The following KAZN variants were observed in gnomAD, a reference collection of about 807,000 sequenced individuals.
KAZN encodes the protein kazrin.
KAZN carries 40 observed loss-of-function variants against 87.4 expected under a neutral mutation model. The observed-to-expected ratio is 0.46, with a 90% CI of 0.36 to 0.60. KAZN has a LOEUF of 0.60. Ranked by LOEUF, KAZN falls within the 20% of genes least tolerant of loss-of-function variation. KAZN has a pLI of 0.00. For synonymous variants in KAZN, 466 were observed against 458.3 expected, an observed-to-expected ratio of 1.02 and a Z score of -0.22; for missense variants, 898 against 1,073.9, an observed-to-expected ratio of 0.84 and a Z score of 2.29.
intron 1 of KAZN, among the ~76,000 whole-genome samples, chr1:14,761,072 A>G (rs1572414086): frequency 6.6e-6 from 1 of 152,112 alleles, no homozygotes; most frequent in South Asian, 2.1e-4. Flanking sequence ...AATGGGGAGG[A>G]CCCTGCCTCC....
At chr1:14,575,550 A>G (rs552138787) in intron 2 of KAZN, among the ~76,000 whole-genome samples, 19 of 152,318 alleles carry the variant, frequency 1.2e-4, no homozygotes, top group African/African-American at 4.6e-4. Context: ...ACCATTCAAG[A>G]TGAGATTTGG....
chr1:15,103,291 C>T lies in KAZN; in HGVS notation c.1780-68C>T, dbSNP rs1245130459. ...CGGGGGGAAAAAGAGATGCGGGGCA[C>T]CCCCACTCCACACGTGGCCTCTGCG... is the stretch of plus-strand genomic sequence containing the variant. On this transcript the variant is annotated intron_variant, in intron 11 of 14. Coordinates refer to ENST00000376030, the MANE Select transcript of KAZN (RefSeq NM_201628.3). 3.4e-6 allele frequency: 4 copies of T among 1,162,008 alleles called. No homozygotes were observed. The Admixed American group carries it at 8.1e-5, about 23-fold the overall frequency. The allele number at this position is 1,162,008 out of a possible 1,614,324, so 72.0% of individuals were successfully genotyped here.
At chr1:14,807,230 G>A (rs1229267357) in intron 1 of KAZN, among the ~76,000 whole-genome samples, 2 of 152,234 alleles carry the variant, frequency 1.3e-5, no homozygotes, top group African/African-American at 4.8e-5. Context: ...GAGGACATTA[G>A]GTTCTGGGGC....
rs536763003 is a variant in KAZN, at chr1:14,420,866, G to A, written c.250-178117G>A. On this transcript the variant is annotated intron_variant, in intron 2 of 16. Coordinates refer to the KAZN transcript ENST00000636203. ...CCTGGGAGCGCTGCGCACAGCCCCG[G>A]TTGCCGCCCGCACCTCTCCCTCCAC... 6.9e-4 allele frequency among the ~76,000 whole-genome samples: 92 copies of A among 133,278 alleles called. 1 individual carries two copies. Among genetic ancestry groups the A allele is most frequent in the Non-Finnish European group, 4.0e-4 (23 of 56,810 alleles). 87.4% of individuals were successfully genotyped at this position (133,278 alleles called of 152,430 possible). A position where few individuals can be genotyped will look rare whatever the true frequency, so the allele number is the denominator to read the frequency against.
At chr1:14,024,658 G>T (rs1640990380) in intron 1 of KAZN, among the ~76,000 whole-genome samples, 1 of 152,204 alleles carries the variant, frequency 6.6e-6, no homozygotes, top group Non-Finnish European at 1.5e-5. Flanking sequence ...AGCAGGTGTG[G>T]CACTCAAAGC....
intron 1 of KAZN, among the ~76,000 whole-genome samples, chr1:14,021,953 C>CTTTT (rs141959214): frequency 0.071 from 8,138 of 114,196 alleles, 940 homozygotes; most frequent in South Asian, 0.093. Flanking sequence ...AATGAACATG[C>CTTTT]TTTTTTTTTT....
chr1:14,384,767 C>G (rs1176770008), intron 2 of KAZN, among the ~76,000 whole-genome samples: 1 of 151,584 alleles, frequency 6.6e-6, no homozygotes, highest in Non-Finnish European at 1.5e-5. Context: ...GGATATTGGT[C>G]TAAAATTCTC....
At chr1:14,721,884 T>C (rs1643127928) in intron 1 of KAZN, among the ~76,000 whole-genome samples, 1 of 152,194 alleles carries the variant, frequency 6.6e-6, no homozygotes, top group Non-Finnish European at 1.5e-5. Context: ...CCGGGTGCGG[T>C]GGCTCACACC....
intron 1 of KAZN, among the ~76,000 whole-genome samples, chr1:14,075,863 C>T (rs188464124): frequency 2.0e-5 from 3 of 152,090 alleles, no homozygotes; most frequent in Admixed American, 2.0e-4. Flanking sequence ...ATGGTGTTCC[C>T]GTCCCCCCAA....
At chr1:14,107,062 C>T (rs1644392977) in intron 1 of KAZN, among the ~76,000 whole-genome samples, 1 of 138,114 alleles carries the variant, frequency 7.2e-6, no homozygotes, top group South Asian at 2.5e-4. Context: ...TTCCTTCCTT[C>T]CTTCCTTCAT....
chr1:14,655,850 A>C (rs1638758288), intron 1 of KAZN, among the ~76,000 whole-genome samples: 1 of 152,142 alleles, frequency 6.6e-6, no homozygotes, highest in East Asian at 1.9e-4. Flanking sequence ...GCGGCCAAAG[A>C]AGGGACCCAG....
chr1:14,552,574 G>A (rs1673606355), intron 2 of KAZN, among the ~76,000 whole-genome samples: 1 of 152,190 alleles, frequency 6.6e-6, no homozygotes. Context: ...GGGAGCTTGT[G>A]CTATGTTCAA....
At chr1:14,973,628 A>G (rs1422828148) in intron 2 of KAZN, among the ~76,000 whole-genome samples, 5 of 152,162 alleles carry the variant, frequency 3.3e-5, no homozygotes, top group African/African-American at 1.2e-4. Flanking sequence ...CTTTCCAAAT[A>G]AGGAAAGGAA....
chr1:14,939,141 T>G (rs1660778178), intron 1 of KAZN, among the ~76,000 whole-genome samples: 1 of 151,728 alleles, frequency 6.6e-6, no homozygotes, highest in Non-Finnish European at 1.5e-5. Context: ...CCAGGCTAAT[T>G]TTTATACTTT....
chr1:14,950,484 C>G (rs1270980048), intron 1 of KAZN, among the ~76,000 whole-genome samples: 1 of 152,176 alleles, frequency 6.6e-6, no homozygotes, highest in Admixed American at 6.5e-5. Context: ...CTAGGCTTAC[C>G]TCTCCCCGAA....
chr1:14,635,403 T>C (rs559418338), intron 1 of KAZN, among the ~76,000 whole-genome samples: 10 of 152,286 alleles, frequency 6.6e-5, no homozygotes, highest in African/African-American at 2.2e-4. Flanking sequence ...CTCCAGACAT[T>C]GCTGTGTGAC....
Position 14,251,643 on chromosome 1 carries a change from C to CTTTTTTTTTTTTTTTTT in KAZN, c.249+71060_249+71076dup, listed in dbSNP as rs549092023. 6.6e-5 allele frequency among the ~76,000 whole-genome samples: 6 copies of CTTTTTTTTTTTTTTTTT among 90,344 alleles called. 1 individual carries two copies. Among genetic ancestry groups the CTTTTTTTTTTTTTTTTT allele is most frequent in the East Asian group, 4.7e-4 (1 of 2,150 alleles). The allele number at this position is 90,344 out of a possible 152,430, so 59.3% of individuals were successfully genotyped here. On this transcript the variant is annotated intron_variant, in intron 2 of 16. Coordinates refer to the KAZN transcript ENST00000636203. ...AGGCACAGTGAAAAGTTCTCCCGGACTTTTTTTTTTTTTTTTTTTTTTTTT... is the reference window on the plus strand; with the variant it reads ...AGGCACAGTGAAAAGTTCTCCCGGACTTTTTTTTTTTTTTTTTTTTTTTTTTTTTTTTTTTTTTTTTT...
chr1:14,290,582 C>T (rs1653606095), intron 2 of KAZN, among the ~76,000 whole-genome samples: 1 of 152,122 alleles, frequency 6.6e-6, no homozygotes, highest in Non-Finnish European at 1.5e-5. Context: ...TTTATCTAAT[C>T]TTTTTTCAAG....
chr1:14,003,439 GA>G (rs1185771656), intron 1 of KAZN, among the ~76,000 whole-genome samples: 2 of 151,464 alleles, frequency 1.3e-5, no homozygotes, highest in African/African-American at 2.4e-5. Context: ...CTTTTATATA[GA>G]AAGAAGTGAA....
Sources: gnomAD v4.1 joint callset for allele counts (sites outside exome capture counted in the v4.1 genomes callset) on GRCh38, gnomAD v4.1.1 for gene constraint, MANE v1.5 for transcripts, NCBI Gene and HGNC (gene_info 2026-07-23, HGNC 2026-07-21) for gene names.